The following CA10 variants were observed in gnomAD, a reference collection of about 807,000 sequenced individuals.
CA10 encodes the protein carbonic anhydrase 10 (inactive).
In CA10, 14 loss-of-function variants were observed where a neutral mutation model predicts 44.2. The observed-to-expected ratio is 0.32, with a 90% CI of 0.21 to 0.50. The LOEUF is 0.50. Among genes scored for constraint, CA10 ranks in the 20% least tolerant of loss-of-function variants. The pLI is 0.99. For missense variants in CA10, 350 were observed against 409.7 expected (o/e 0.85, Z 1.26); for synonymous variants, 159 against 141.6 (o/e 1.12, Z -0.87).
intron 3 of CA10, among the ~76,000 whole-genome samples, chr17:51,860,364 T>C (rs905219852): frequency 6.6e-5 from 10 of 152,228 alleles, no homozygotes; most frequent in Non-Finnish European, 1.0e-4. Context: ...CAGCATTGTC[T>C]TGTTTTCTTT....
chr17:51,929,314 T>C (rs1046553706), intron 3 of CA10, among the ~76,000 whole-genome samples: 1 of 152,142 alleles, frequency 6.6e-6, no homozygotes, highest in African/African-American at 2.4e-5. Context: ...GTTTGACACA[T>C]TTTCCATCTC....
intron 3 of CA10, among the ~76,000 whole-genome samples, chr17:51,759,936 T>C (rs1054725400): frequency 1.3e-5 from 2 of 152,382 alleles, no homozygotes; most frequent in Middle Eastern, 3.4e-3. Context: ...CCACTGTTTT[T>C]CCCTAAACTA....
chr17:52,065,179 G>A (rs1052783653), intron 2 of CA10, among the ~76,000 whole-genome samples: 1 of 152,164 alleles, frequency 6.6e-6, no homozygotes, highest in Admixed American at 6.6e-5. Context: ...CTCTGCACTA[G>A]CAACGTCCTT....
At chr17:51,704,965 TAAA>T (rs768498016) in intron 4 of CA10, among the ~76,000 whole-genome samples, 3 of 129,354 alleles carry the variant, frequency 2.3e-5, no homozygotes, top group Admixed American at 8.0e-5. Context: ...CGACTCTGTC[TAAA>T]AAAAAAAAAA....
At chr17:52,001,320 C>A (rs1985417808) in intron 2 of CA10, among the ~76,000 whole-genome samples, 1 of 151,958 alleles carries the variant, frequency 6.6e-6, no homozygotes, top group South Asian at 2.1e-4. Flanking sequence ...CATAGACTAT[C>A]CATGCTGTTT....
chr17:51,887,560 TG>T (rs930911940), intron 3 of CA10, among the ~76,000 whole-genome samples: 13 of 152,242 alleles, frequency 8.5e-5, no homozygotes, highest in African/African-American at 3.1e-4. Context: ...CAATTACTTT[TG>T]GTTCAGCGAA....
chr17:52,090,899 A>G (rs7219072), intron 1 of CA10, among the ~76,000 whole-genome samples: 80,945 of 151,974 alleles, frequency 0.53, 22,670 homozygotes, highest in African/African-American at 0.69. Flanking sequence ...TACCCCAGGG[A>G]AGTTACCATG....
chr17:51,882,217 A>C (rs1223429203), intron 3 of CA10, among the ~76,000 whole-genome samples: 1 of 150,852 alleles, frequency 6.6e-6, no homozygotes, highest in Non-Finnish European at 1.5e-5. Context: ...GTTTATAAAA[A>C]TATTTTATAA....
intron 4 of CA10, among the ~76,000 whole-genome samples, chr17:51,731,371 G>A (rs115022123): frequency 0.02 from 3,036 of 152,024 alleles, 112 homozygotes; most frequent in African/African-American, 0.069. Flanking sequence ...ACGAGACTCC[G>A]TCTCAAGAAA....
intron 4 of CA10, among the ~76,000 whole-genome samples, chr17:51,686,706 A>G (rs1915022825): frequency 6.6e-6 from 1 of 152,178 alleles, no homozygotes; most frequent in African/African-American, 2.4e-5. Context: ...ATGTATACTT[A>G]GTGTCTCAAA....
intron 1 of CA10, among the ~76,000 whole-genome samples, chr17:52,157,001 T>A (rs1989816967): frequency 6.6e-6 from 1 of 152,090 alleles, no homozygotes; most frequent in African/African-American, 2.4e-5. Context: ...CCAACCTCTT[T>A]CACCTCAACA....
Position 51,840,478 on chromosome 17 carries a change from TACACACACACACAC to T in CA10, c.279+90498_279+90511del, listed in dbSNP as rs3033576. On this transcript the variant is annotated intron_variant, in intron 3 of 8. Coordinates refer to ENST00000451037, the MANE Select transcript of CA10 (RefSeq NM_020178.5). Reference sequence around the variant, plus strand: ...CTCTGAACTCAATCCCAACCTTTAATACACACACACACACACACACACACACACACACACACACG... The same window carrying T: ...CTCTGAACTCAATCCCAACCTTTAATACACACACACACACACACACACACG... 8.5e-4 allele frequency among the ~76,000 whole-genome samples: 124 copies of T among 146,730 alleles called. 1 individual carries two copies. Among genetic ancestry groups the T allele is most frequent in the African/African-American group, 2.7e-3 (106 of 39,592 alleles).
chr17:52,106,533 A>T (rs1988666262), intron 1 of CA10, among the ~76,000 whole-genome samples: 1 of 152,182 alleles, frequency 6.6e-6, no homozygotes, highest in African/African-American at 2.4e-5. Flanking sequence ...ACAAAAACAC[A>T]TGTCAAGTTC....
chr17:51,903,987 C>T (rs1177587158), intron 3 of CA10, among the ~76,000 whole-genome samples: 18 of 151,606 alleles, frequency 1.2e-4, no homozygotes, highest in South Asian at 2.1e-4. Flanking sequence ...ATGTGGGAAA[C>T]GTATGGTCTG....
At chr17:51,845,105 C>T (rs1978431104) in intron 3 of CA10, among the ~76,000 whole-genome samples, 1 of 152,158 alleles carries the variant, frequency 6.6e-6, no homozygotes, top group South Asian at 2.1e-4. Context: ...AAGGATTCCT[C>T]CCCTAGAACC....
intron 2 of CA10, among the ~76,000 whole-genome samples, chr17:51,979,690 A>C (rs1490347471): frequency 6.6e-6 from 1 of 152,166 alleles, no homozygotes; most frequent in African/African-American, 2.4e-5. Flanking sequence ...GAGTTCAATA[A>C]TATATTCTAC....
chr17:52,075,080 G>T (rs575705745), intron 1 of CA10, among the ~76,000 whole-genome samples: 1 of 152,124 alleles, frequency 6.6e-6, no homozygotes, highest in Non-Finnish European at 1.5e-5. Context: ...TTCCTCCATG[G>T]CTCTTTACTG....
chr17:52,010,737 G>A (rs895083513), intron 2 of CA10, among the ~76,000 whole-genome samples: 1 of 151,632 alleles, frequency 6.6e-6, no homozygotes, highest in East Asian at 1.9e-4. Flanking sequence ...AAGAATGCCT[G>A]GGATTTTTTA....
chr17:52,121,138 A>T (rs998618225), intron 1 of CA10, among the ~76,000 whole-genome samples: 1 of 152,142 alleles, frequency 6.6e-6, no homozygotes, highest in African/African-American at 2.4e-5. Context: ...AATCTACTTA[A>T]ATGCTGTCAG....
Sources: allele counts gnomAD v4.1 joint callset (sites outside exome capture counted in the v4.1 genomes callset), GRCh38; gene constraint gnomAD v4.1.1; transcripts MANE v1.5; gene names NCBI Gene and HGNC (gene_info 2026-07-23, HGNC 2026-07-21).